Variants in TSPAN14 observed in about 807,000 individuals in gnomAD.
TSPAN14 encodes tetraspanin 14.
Under a neutral mutation model 36.6 loss-of-function variants are expected in TSPAN14, and 16 were observed. The observed-to-expected ratio is 0.44, with a 90% CI of 0.30 to 0.66. The LOEUF (loss-of-function observed/expected upper bound fraction) is 0.66. Ranked by LOEUF, TSPAN14 falls within the 30% of genes least tolerant of loss-of-function variation. The pLI is 0.12. For missense variants in TSPAN14, 231 were observed against 355.1 expected (o/e 0.65, Z 2.81); for synonymous variants, 139 against 143.8 (o/e 0.97, Z 0.24).
At chr10:80,492,770 C>T (rs1261146108) in intron 2 of TSPAN14, among the ~76,000 whole-genome samples, 1 of 151,846 alleles carries the variant, frequency 6.6e-6, no homozygotes, top group African/African-American at 2.4e-5. Flanking sequence ...GAGCCAAGAT[C>T]GCGCCACTGC....
chr10:80,514,200 G>A, intron 7 of TSPAN14, 137 bp downstream of exon 7: 3 of 764,984 alleles, frequency 3.9e-6, no homozygotes, highest in Admixed American at 2.2e-5. Context: ...CCTAAGCTGA[G>A]CATAGGCACA....
At chr10:80,472,509 G>A (rs78297503) in intron 1 of TSPAN14, among the ~76,000 whole-genome samples, 2,444 of 152,284 alleles carry the variant, frequency 0.016, 75 homozygotes, top group African/African-American at 0.056. Context: ...GATACTTTGA[G>A]ATTATGCAAA....
chr10:80,516,464 C>A (rs1252688205), intron 8 of TSPAN14, 141 bp downstream of exon 8: 2 of 1,262,814 alleles, frequency 1.6e-6, no homozygotes, highest in Non-Finnish European at 2.2e-6. Context: ...ACTGGATGTC[C>A]AAGGCTGAGA....
At chr10:80,500,355 G>GTTTTT (rs1848437747) in intron 2 of TSPAN14, among the ~76,000 whole-genome samples, 1 of 67,834 alleles carries the variant, frequency 1.5e-5, no homozygotes, top group Non-Finnish European at 2.7e-5. Context: ...TTGAGACGAA[G>GTTTTT]TTTTGCTCTT....
rs533461616 is a variant in TSPAN14, at chr10:80,515,335, C to T, written c.622-869C>T. The T allele has an allele frequency of 6.6e-4, 101 of 152,538 alleles. 3 individuals are homozygous for T. In the South Asian group the frequency reaches 0.02, roughly 31 times the overall value. 9.4% of individuals were successfully genotyped at this position (152,538 alleles called of 1,614,324 possible). On this transcript the variant is annotated intron_variant, in intron 7 of 8. Transcript: ENST00000429989. ...CTGTTCCAGGCCTCTCTCCTGGCTG[C>T]AGGTGGCTGTCCTCTCCCTGTGTCC...
At chr10:80,521,985 G>T (rs2132082276) in exon 9 of TSPAN14, 1 of 151,400 alleles carries the variant, frequency 6.6e-6, no homozygotes, top group Non-Finnish European at 1.5e-5. Context: ...AGGAAAACAT[G>T]AAGTGGGCAT....
chr10:80,478,774 C>T (rs533376339), intron 1 of TSPAN14, among the ~76,000 whole-genome samples: 3 of 152,332 alleles, frequency 2.0e-5, no homozygotes, highest in South Asian at 2.1e-4. Flanking sequence ...GTAATCCCAG[C>T]ACTTTGGGAG....
At chr10:80,508,383 G>T (rs2132049580) in intron 4 of TSPAN14, among the ~76,000 whole-genome samples, 1 of 152,282 alleles carries the variant, frequency 6.6e-6, no homozygotes, top group South Asian at 2.1e-4. Context: ...CTCCCAAAGT[G>T]CTGGGATTAC....
intron 2 of TSPAN14, among the ~76,000 whole-genome samples, chr10:80,494,107 A>G (rs1269334837): frequency 6.6e-6 from 1 of 152,228 alleles, no homozygotes; most frequent in Non-Finnish European, 1.5e-5. Flanking sequence ...GTTACACAGG[A>G]AAGTCCTTTG....
At chr10:80,476,482 C>T (rs1846908708) in intron 1 of TSPAN14, among the ~76,000 whole-genome samples, 2 of 125,656 alleles carry the variant, frequency 1.6e-5, no homozygotes, top group African/African-American at 3.0e-5. Context: ...GTGGCGAGAT[C>T]TCTGCTCACT....
rs1205260144 is a variant in TSPAN14, at chr10:80,514,074, C to T, written c.621+11C>T. 2 of 1,610,204 alleles carry T rather than the reference C, an allele frequency of 1.2e-6. No individual in the cohort carries two copies. The highest frequency in any genetic ancestry group is 1.7e-6 in the Non-Finnish European group (2 of 1,176,682). On this transcript the variant is annotated intron_variant, in intron 7 of 8. Coordinates refer to ENST00000429989, the Ensembl canonical transcript of TSPAN14. ...GATGTCAGGATTCAGGTGAGAACTC[C>T]CATGTATACAACTTGAAGAGTTCTT...
At chr10:80,464,591 G>A (rs1846143395) in intron 1 of TSPAN14, among the ~76,000 whole-genome samples, 1 of 152,160 alleles carries the variant, frequency 6.6e-6, no homozygotes, top group Admixed American at 6.5e-5. Flanking sequence ...TGGGTTTGAG[G>A]CTTGTGTCCC....
intron 4 of TSPAN14, among the ~76,000 whole-genome samples, chr10:80,508,116 TTTC>T (rs1169327300): frequency 6.8e-6 from 1 of 147,040 alleles, no homozygotes; most frequent in African/African-American, 2.7e-5. Flanking sequence ...TTTCTTTTCT[TTTC>T]TTTTTTTTTT....
intron 1 of TSPAN14, among the ~76,000 whole-genome samples, chr10:80,481,030 G>C (rs963792314): frequency 6.6e-6 from 1 of 152,046 alleles, no homozygotes; most frequent in Admixed American, 6.5e-5. Context: ...TCTGGAACCC[G>C]GAAGGCAGAG....
chr10:80,476,743 T>C (rs12769369), intron 1 of TSPAN14, among the ~76,000 whole-genome samples: 2 of 152,034 alleles, frequency 1.3e-5, no homozygotes, highest in Admixed American at 6.6e-5. Context: ...GTTTTGTTTT[T>C]TTTTATATTT....
At chr10:80,471,019 C>A (rs146680352) in intron 1 of TSPAN14, among the ~76,000 whole-genome samples, 1 of 152,240 alleles carries the variant, frequency 6.6e-6, no homozygotes, top group East Asian at 1.9e-4. Context: ...TCATCTAGTA[C>A]AAATTTAAAC....
intron 1 of TSPAN14, among the ~76,000 whole-genome samples, chr10:80,481,317 A>G (rs1847261882): frequency 6.6e-6 from 1 of 152,220 alleles, no homozygotes; most frequent in South Asian, 2.1e-4. Flanking sequence ...AGAAATAGAA[A>G]TAAAACATCA....
intron 1 of TSPAN14, among the ~76,000 whole-genome samples, chr10:80,461,126 C>G (rs1845943132): frequency 6.6e-6 from 1 of 152,134 alleles, no homozygotes; most frequent in African/African-American, 2.4e-5. Flanking sequence ...TCCTCCTTTT[C>G]TCTCTGGCCC....
At chr10:80,477,601 A>T (rs1161622713) in intron 1 of TSPAN14, among the ~76,000 whole-genome samples, 1 of 152,154 alleles carries the variant, frequency 6.6e-6, no homozygotes, top group East Asian at 1.9e-4. Context: ...GGGGAGGGGA[A>T]CGTGGGCATC....
Sources: allele counts gnomAD v4.1 joint callset (sites outside exome capture counted in the v4.1 genomes callset), GRCh38; gene constraint gnomAD v4.1.1; transcripts MANE v1.5; gene names NCBI Gene and HGNC (gene_info 2026-07-23, HGNC 2026-07-21).